Variants in TUB observed in about 807,000 individuals in gnomAD.
TUB encodes TUB bipartite transcription factor, also known as tubby protein homolog.
TUB carries 33 observed loss-of-function variants against 59.7 expected under a neutral mutation model. The observed-to-expected ratio is 0.55, with a 90% CI of 0.42 to 0.74. The LOEUF is 0.74. Ranked by LOEUF, TUB falls within the 30% of genes least tolerant of loss-of-function variation. The pLI is 0.00. For synonymous variants in TUB, 293 were observed against 256.4 expected, an observed-to-expected ratio of 1.14 and a Z score of -1.36; for missense variants, 659 against 672.0, an observed-to-expected ratio of 0.98 and a Z score of 0.21.
intron 2 of TUB, among the ~76,000 whole-genome samples, chr11:8,052,984 AAAT>A (rs1942956532): frequency 6.6e-6 from 1 of 152,220 alleles, no homozygotes; most frequent in African/African-American, 2.4e-5. Context: ...TTATGTGAAA[AAAT>A]AAATTATTGC....
intron 2 of TUB, among the ~76,000 whole-genome samples, chr11:8,057,443 A>T (rs952961221): frequency 2.6e-5 from 4 of 152,092 alleles, no homozygotes; most frequent in African/African-American, 9.7e-5. Context: ...CAAAATTACA[A>T]AGTTTTCCAG....
chr11:8,094,777 C>A (rs1943910549), intron 4 of TUB, among the ~76,000 whole-genome samples: 2 of 152,236 alleles, frequency 1.3e-5, no homozygotes, highest in African/African-American at 4.8e-5. Flanking sequence ...ACCCCGTTTC[C>A]TCAACTTTTG....
chr11:8,076,895 A>T (rs529819293), upstream of TUB: 3 of 152,222 alleles, frequency 2.0e-5, no homozygotes, highest in South Asian at 6.2e-4. Flanking sequence ...CTAGTGGTTG[A>T]CCTACATTTT....
At chr11:8,024,806 CT>C (rs1263505498) in intron 1 of TUB, among the ~76,000 whole-genome samples, 3 of 152,220 alleles carry the variant, frequency 2.0e-5, no homozygotes, top group African/African-American at 7.2e-5. Context: ...CAGTCACTGA[CT>C]GCATTGTTTT....
intron 3 of TUB, 147 bp downstream of exon 3, chr11:8,090,378 G>A (rs1408059445): frequency 1.7e-6 from 2 of 1,197,230 alleles, no homozygotes; most frequent in Non-Finnish European, 2.3e-6. Context: ...GAGTAGGGAG[G>A]GCAGAGGGAA....
rs1354486929 is a variant in TUB at position 8,092,095 on chromosome 11, A to G, written c.253+1864A>G. Among the ~76,000 whole-genome samples the G allele has an allele frequency of 1.1e-4, 16 of 152,376 alleles. No individual in the cohort carries two copies. The East Asian group carries it at 3.1e-3, about 29-fold the overall frequency. ...GCTGTGTTCCAGATGATGTCAGGAC[A>G]TCAGAAAGACTGTGGTACAACTAGC... On this transcript the variant is annotated intron_variant, in intron 3 of 11. Coordinates refer to ENST00000299506, the MANE Select transcript of TUB (RefSeq NM_177972.3).
At chr11:8,067,028 C>T (rs1203819058) in intron 2 of TUB, among the ~76,000 whole-genome samples, 1 of 152,160 alleles carries the variant, frequency 6.6e-6, no homozygotes, top group Non-Finnish European at 1.5e-5. Context: ...TCCATCCTGC[C>T]CCTCCCGCTC....
chr11:8,038,362 C>T (rs1386511511), upstream of TUB, among the ~76,000 whole-genome samples: 4 of 152,144 alleles, frequency 2.6e-5, no homozygotes, highest in Non-Finnish European at 5.9e-5. Context: ...GCTGAGGACA[C>T]AGACAAGCAA....
intron 1 of TUB, among the ~76,000 whole-genome samples, chr11:8,086,606 C>T (rs1943671466): frequency 6.6e-6 from 1 of 152,162 alleles, no homozygotes; most frequent in Non-Finnish European, 1.5e-5. Context: ...ATCTCGTCCC[C>T]TTGCAGCTCT....
At chr11:8,031,730 G>A (rs1429057841) in intron 1 of TUB, among the ~76,000 whole-genome samples, 1 of 152,224 alleles carries the variant, frequency 6.6e-6, no homozygotes, top group Non-Finnish European at 1.5e-5. Context: ...GCTGGCAGTG[G>A]CCGCACCTGC....
chr11:8,026,660 G>A (rs945731157), intron 1 of TUB, among the ~76,000 whole-genome samples: 2 of 152,118 alleles, frequency 1.3e-5, no homozygotes, highest in Non-Finnish European at 2.9e-5. Context: ...ATACTTATAA[G>A]TATTGAAATC....
At chr11:8,020,010 C>G (rs1410949359) in intron 1 of TUB, among the ~76,000 whole-genome samples, 2 of 152,176 alleles carry the variant, frequency 1.3e-5, no homozygotes. Flanking sequence ...CCCACGCACT[C>G]GTCCTGGAGG....
At chr11:8,074,696 G>A (rs986822185) in intron 2 of TUB, among the ~76,000 whole-genome samples, 8 of 149,040 alleles carry the variant, frequency 5.4e-5, no homozygotes, top group East Asian at 2.0e-4. Flanking sequence ...CTACAATAGC[G>A]CCACTTATAC....
chr11:8,090,645 T>A (rs1030611426), intron 3 of TUB, among the ~76,000 whole-genome samples: 4 of 152,180 alleles, frequency 2.6e-5, no homozygotes, highest in Non-Finnish European at 5.9e-5. Context: ...AACACCTTTT[T>A]CCTTCCCTCT....
intron 2 of TUB, among the ~76,000 whole-genome samples, chr11:8,057,477 A>G (rs976865280): frequency 6.6e-6 from 1 of 152,206 alleles, no homozygotes; most frequent in East Asian, 1.9e-4. Flanking sequence ...TCTAAACTAT[A>G]TGTCTATGTG....
At chr11:8,098,193 A>G (rs1319644180) in intron 8 of TUB, among the ~76,000 whole-genome samples, 1 of 151,326 alleles carries the variant, frequency 6.6e-6, no homozygotes, top group Non-Finnish European at 1.5e-5. Flanking sequence ...AGAGACACAC[A>G]GCAATCTTGG....
At chr11:8,074,903 C>T (rs1018294874) in intron 2 of TUB, among the ~76,000 whole-genome samples, 9 of 151,614 alleles carry the variant, frequency 5.9e-5, no homozygotes, top group Non-Finnish European at 1.2e-4. Context: ...CCCACCACCA[C>T]GCCCAGCTAA....
chr11:8,060,961 C>A (rs563160410), intron 2 of TUB, among the ~76,000 whole-genome samples: 2 of 152,364 alleles, frequency 1.3e-5, no homozygotes, highest in East Asian at 3.9e-4. Flanking sequence ...CTCTGCCTAG[C>A]TGCGGGTGAT....
chr11:8,101,004 G>A lies in TUB; in HGVS notation c.1387+7G>A, dbSNP rs201613408. 33 of 1,613,974 alleles carry A rather than the reference G, an allele frequency of 2.0e-5. No individual in the cohort carries two copies. The highest frequency in any genetic ancestry group is 1.6e-4 in the Middle Eastern group (1 of 6,084). On this transcript the variant is annotated splice_region_variant and intron_variant, in intron 11 of 11. Transcript: ENST00000299506. ...ATCATCCATGGCAATGACCGTGAGT[G>A]TTTCTGTCCCTACTCATTATGGTCC...
Sources: gnomAD v4.1 joint callset for allele counts (sites outside exome capture counted in the v4.1 genomes callset) on GRCh38, gnomAD v4.1.1 for gene constraint, MANE v1.5 for transcripts, NCBI Gene and HGNC (gene_info 2026-07-23, HGNC 2026-07-21) for gene names.